Variants in MED6 observed in about 807,000 individuals in gnomAD.
MED6 encodes the protein mediator of RNA polymerase II transcription subunit 6.
Under a neutral mutation model 37.5 loss-of-function variants are expected in MED6, and 33 were observed. That is an observed-to-expected ratio of 0.88 (90% CI 0.67 to 1.18). MED6 has a LOEUF of 1.18. MED6 is among the 50% of genes most tolerant of loss of function. The pLI, the probability that MED6 is intolerant of heterozygous loss-of-function variation, is 0.00. For missense variants in MED6, 235 were observed against 290.6 expected (o/e 0.81, Z 1.39); for synonymous variants, 94 against 93.6 (o/e 1.00, Z -0.02).
intron 6 of MED6, among the ~76,000 whole-genome samples, chr14:70,586,416 C>T (rs925357584): frequency 2.0e-5 from 3 of 152,172 alleles, no homozygotes; most frequent in East Asian, 1.9e-4. Flanking sequence ...AAATGCTCTA[C>T]GACATTCTTG....
rs1161611697 is a variant in MED6, at chr14:70,596,710, CAG to C, written c.183-10_183-9del. ...TCGATTCCAACCATCTGACTGAAAA[CAG>C]AACACAGACATCCAAAGATCTATAA... On this transcript the variant is annotated splice_polypyrimidine_tract_variant and intron_variant, in intron 2 of 7. Coordinates refer to ENST00000256379, the MANE Select transcript of MED6 (RefSeq NM_005466.4). The C allele has an allele frequency of 1.9e-6, 3 of 1,598,504 alleles. No individual in the cohort carries two copies. The South Asian group carries it at 3.3e-5, about 18-fold the overall frequency.
At chr14:70,592,786 C>T (rs1884919746) in intron 5 of MED6, 94 bp downstream of exon 5, 3 of 1,411,230 alleles carry the variant, frequency 2.1e-6, no homozygotes, top group Non-Finnish European at 2.0e-6. Context: ...GTGAAACACA[C>T]TTAGAAAAGA....
chr14:70,592,221 G>A (rs1057390866), intron 5 of MED6, among the ~76,000 whole-genome samples: 3 of 152,156 alleles, frequency 2.0e-5, no homozygotes, highest in Admixed American at 6.5e-5. Context: ...GGAGGTAGTC[G>A]AACAGTAAAA....
intron 6 of MED6, among the ~76,000 whole-genome samples, chr14:70,586,435 T>C (rs1352173737): frequency 6.6e-6 from 1 of 152,202 alleles, no homozygotes; most frequent in East Asian, 1.9e-4. Context: ...TGTCTTCTTC[T>C]ACCCCTCATC....
intron 6 of MED6, among the ~76,000 whole-genome samples, chr14:70,587,948 T>C (rs553385401): frequency 4.6e-5 from 7 of 152,368 alleles, no homozygotes; most frequent in African/African-American, 1.7e-4. Context: ...AATATTCTCC[T>C]GAACATCCCC....
intron 3 of MED6, chr14:70,594,909 T>A: frequency 1.6e-6 from 1 of 618,058 alleles, no homozygotes; most frequent in Non-Finnish European, 3.1e-6. Flanking sequence ...AGCACCTGGA[T>A]AAGAAGGGAC....
At chr14:70,599,181 C>T (rs1885132020) in intron 1 of MED6, among the ~76,000 whole-genome samples, 1 of 152,086 alleles carries the variant, frequency 6.6e-6, no homozygotes, top group African/African-American at 2.4e-5. Context: ...GAAGTCAGAC[C>T]TAATTCAAGG....
rs1438894657 is a variant in MED6 at position 70,584,106 on chromosome 14, T to A, written c.*707A>T. On this transcript the variant is annotated 3_prime_UTR_variant, in exon 8 of 8. Coordinates refer to ENST00000256379, the MANE Select transcript of MED6 (RefSeq NM_005466.4). ...ATCTTCCAAAATGTCAGCAACTGTT[T>A]ATTTTAATACTGAGGATTATGTAAC... 4.3e-6 allele frequency: 3 copies of A among 700,862 alleles called. No homozygotes were observed. Among genetic ancestry groups the A allele is most frequent in the South Asian group, 1.6e-5 (1 of 63,204 alleles). 43.4% of individuals were successfully genotyped at this position (700,862 alleles called of 1,614,324 possible).
At chr14:70,588,688 A>AAATAATAAT (rs77093432) in intron 6 of MED6, among the ~76,000 whole-genome samples, 47 of 134,640 alleles carry the variant, frequency 3.5e-4, no homozygotes, top group South Asian at 7.6e-4. Flanking sequence ...TCCGTCTCAA[A>AAATAATAAT]AATAATAATA....
intron 3 of MED6, chr14:70,596,302 C>G (rs977594799): frequency 1.3e-5 from 3 of 237,480 alleles, no homozygotes; most frequent in African/African-American, 6.7e-5. Flanking sequence ...GGAGGGCACA[C>G]TCTGTGGCCC....
intron 5 of MED6, chr14:70,592,447 C>T (rs557864708): frequency 3.3e-5 from 5 of 152,588 alleles, no homozygotes; most frequent in African/African-American, 1.3e-4. Context: ...ATCATCTCTG[C>T]TCATTCCACA....
At chr14:70,595,073 T>C (rs957705381) in intron 3 of MED6, 2 of 543,878 alleles carry the variant, frequency 3.7e-6, no homozygotes, top group East Asian at 4.8e-5. Context: ...GAGCTGGCCA[T>C]GTATCAGTCT....
Position 70,584,837 on chromosome 14 carries a change from A to AG in MED6, c.716dup (p.Glu240Ter). On this transcript the variant is annotated frameshift_variant, in exon 8 of 8. Transcript: ENST00000256379. LOFTEE classifies it high-confidence loss of function. ...CTCACTGAAGTCTCATCCGTTTTTC[A>AG]GGGGGGCCTTTAGCACTCACTGTCT... The AG allele has an allele frequency of 1.2e-6, 2 of 1,613,960 alleles. No homozygotes were observed. Among genetic ancestry groups the AG allele is most frequent in the Non-Finnish European group, 8.5e-7 (1 of 1,179,970 alleles).
intron 1 of MED6, among the ~76,000 whole-genome samples, chr14:70,598,281 G>A (rs1332514007): frequency 6.6e-6 from 1 of 152,008 alleles, no homozygotes; most frequent in Non-Finnish European, 1.5e-5. Flanking sequence ...TGAGCAACAA[G>A]AGTGAAACTC....
chr14:70,593,488 G>C, intron 3 of MED6, 110 bp from the exon 4 acceptor site: 1 of 790,950 alleles, frequency 1.3e-6, no homozygotes, highest in Non-Finnish European at 2.0e-6. Flanking sequence ...GCAGGGTTTA[G>C]CAATTACTGT....
rs201917123 is a variant in MED6, at chr14:70,600,600, T to C, written c.22+16A>G. On this transcript the variant is annotated intron_variant, in intron 1 of 7. Transcript: ENST00000256379. ...CCACAGACAATCAAGAGACAAAATA[T>C]AGCAATACAGTATACCTCGGATATC... The C allele has an allele frequency of 1.5e-5, 24 of 1,612,852 alleles. No individual in the cohort carries two copies. The highest frequency in any genetic ancestry group is 1.3e-4 in the African/African-American group (10 of 74,496).
At position 70,593,298 on chromosome 14, in the gene MED6, C is replaced by G; in HGVS notation, c.355G>C (p.Val119Leu). 1 of 1,612,674 alleles carries G rather than the reference C, an allele frequency of 6.2e-7. No individual in the cohort carries two copies. Residue 119 changes from valine (V) to leucine (L), a missense_variant and splice_region_variant, in exon 4 of 8, where the codon GTG becomes CTG. Physicochemically the swap from Val to Leu is conservative, Grantham distance 32 (BLOSUM62 1). Coordinates refer to ENST00000256379, the MANE Select transcript of MED6 (RefSeq NM_005466.4). ...TTAAAGAATGTGAAGACACTTACCA[C>G]TCTAGAGTTTATAACTGATCCCAAG... The part of the protein sequence containing the change: ...PDLGSVINSR[V>L]LTAVHGIQSA...
intron 3 of MED6, chr14:70,596,225 G>A (rs1322023410): frequency 5.5e-6 from 1 of 182,238 alleles, no homozygotes; most frequent in African/African-American, 2.4e-5. Context: ...AAAAATCCCT[G>A]GCTCAGAGTC....
intron 6 of MED6, among the ~76,000 whole-genome samples, chr14:70,588,221 A>G (rs1884766249): frequency 6.6e-6 from 1 of 152,176 alleles, no homozygotes; most frequent in Non-Finnish European, 1.5e-5. Context: ...TCTCCTAGTT[A>G]TGTTACACAG....
Sources: gnomAD v4.1 joint callset for allele counts (sites outside exome capture counted in the v4.1 genomes callset) on GRCh38, gnomAD v4.1.1 for gene constraint, MANE v1.5 for transcripts, NCBI Gene and HGNC (gene_info 2026-07-23, HGNC 2026-07-21) for gene names.